Variants in ABCA5 observed in about 807,000 individuals in gnomAD.
ABCA5 encodes the protein cholesterol transporter ABCA5.
Under a neutral mutation model 206.0 loss-of-function variants are expected in ABCA5, and 163 were observed. The observed-to-expected ratio is 0.79, with a 90% CI of 0.70 to 0.90. ABCA5 has a LOEUF of 0.90. ABCA5 is among the 40% of genes least tolerant of loss of function. The pLI is 0.00. For missense variants in ABCA5, 1,859 were observed against 1,912.9 expected (o/e 0.97, Z 0.53); for synonymous variants, 609 against 613.8 (o/e 0.99, Z 0.11).
intron 3 of ABCA5, among the ~76,000 whole-genome samples, chr17:69,311,933 C>T (rs1041215683): frequency 6.6e-6 from 1 of 151,990 alleles, no homozygotes; most frequent in East Asian, 1.9e-4. Flanking sequence ...TGATACACTA[C>T]CATATAACAA....
intron 9 of ABCA5, 83 bp from the exon 10 acceptor site, chr17:69,297,442 G>A (rs941559912): frequency 4.7e-6 from 6 of 1,273,126 alleles, no homozygotes; most frequent in Non-Finnish European, 5.4e-6. Flanking sequence ...ATGACAACCT[G>A]CATCTAAAGT....
chr17:69,291,313 G>A lies in ABCA5; in HGVS notation c.1509C>T (p.Asp503=), dbSNP rs2075523974. The A allele has an allele frequency of 1.9e-6, 3 of 1,600,820 alleles. No homozygotes were observed. Among genetic ancestry groups the A allele is most frequent in the Non-Finnish European group, 2.6e-6 (3 of 1,169,954 alleles). ...NVEALRNLSF[D]IYEGQITALL... ...AGGCAGTAATCTGACCCTCATATAT[G>A]TCAAATGACAAATCTAGTTCAGGAA... The change falls in exon 12 of 39, where the codon GAC becomes GAT. Residue 503 remains aspartate (D), a synonymous_variant. Transcript: ENST00000392676.
At chr17:69,262,068 A>G (rs1482432220) in intron 24 of ABCA5, among the ~76,000 whole-genome samples, 1 of 152,110 alleles carries the variant, frequency 6.6e-6, no homozygotes, top group Non-Finnish European at 1.5e-5. Context: ...ATGATCTCTG[A>G]CAAAATCGGT....
intron 6 of ABCA5, among the ~76,000 whole-genome samples, chr17:69,306,317 A>T (rs910084269): frequency 6.6e-6 from 1 of 152,112 alleles, no homozygotes; most frequent in Non-Finnish European, 1.5e-5. Context: ...AATTTTTAAT[A>T]TTATATATAT....
intron 21 of ABCA5, 131 bp downstream of exon 21, chr17:69,271,031 G>T: frequency 9.0e-7 from 1 of 1,105,470 alleles, no homozygotes; most frequent in Non-Finnish European, 1.2e-6. Context: ...AATAAAGACA[G>T]CTAGTTATTT....
intron 7 of ABCA5, among the ~76,000 whole-genome samples, 154 bp from the exon 8 acceptor site, chr17:69,303,060 TCAAA>T (rs1598196179): frequency 1.3e-5 from 2 of 152,238 alleles, no homozygotes; most frequent in Non-Finnish European, 2.9e-5. Flanking sequence ...TATTTTATTT[TCAAA>T]CAAATAGTGA....
chr17:69,312,510 C>T (rs2075780020), intron 3 of ABCA5, among the ~76,000 whole-genome samples: 1 of 152,178 alleles, frequency 6.6e-6, no homozygotes. Context: ...CTTCTATAAA[C>T]AAGCATGGTA....
At chr17:69,294,571 G>T in intron 11 of ABCA5, 84 bp downstream of exon 11, 2 of 1,184,982 alleles carry the variant, frequency 1.7e-6, no homozygotes, top group Non-Finnish European at 2.4e-6. Flanking sequence ...TGGTAGAGAA[G>T]TTTAAATTTC....
At chr17:69,292,312 C>G (rs372413443) in intron 11 of ABCA5, among the ~76,000 whole-genome samples, 3 of 152,148 alleles carry the variant, frequency 2.0e-5, no homozygotes, top group African/African-American at 7.2e-5. Flanking sequence ...ATGTTTTGGA[C>G]TTATCAGGAT....
At chr17:69,315,240 A>C (rs900763935) in intron 1 of ABCA5, 1 of 152,276 alleles carries the variant, frequency 6.6e-6, no homozygotes, top group African/African-American at 2.4e-5. Flanking sequence ...CTGAACTAAC[A>C]GACAGACCAC....
At chr17:69,287,504 T>C in intron 15 of ABCA5, 109 bp downstream of exon 15, 1 of 1,370,836 alleles carries the variant, frequency 7.3e-7, no homozygotes, top group Admixed American at 2.5e-5. Context: ...GAAGGAAACA[T>C]ACCACTAGGT....
In ABCA5 at chr17:69,326,147, C is replaced by T. The variant is rs1281884273; in HGVS notation, c.-16+905G>A. On this transcript the variant is annotated intron_variant, in intron 1 of 38. Transcript: ENST00000392676. The surrounding 1 kb of genome is among the most constrained non-coding windows in gnomAD (Gnocchi z 4.8). ...AACTCCATCCTTTTACTAGCTGAGA[C>T]CTTAATAAGTTACTTAACCTCTTTG... 6.6e-6 allele frequency among the ~76,000 whole-genome samples: 1 copy of T among 152,152 alleles called. No individual in the cohort carries two copies. The highest frequency in any genetic ancestry group is 1.5e-5 in the Non-Finnish European group (1 of 68,020).
At position 69,255,816 on chromosome 17, in the gene ABCA5, T is replaced by G; in HGVS notation, c.3893A>C (p.Glu1298Ala). The G allele has an allele frequency of 6.3e-7, 1 of 1,587,412 alleles. No homozygotes were observed. The highest frequency in any genetic ancestry group is 8.6e-7 in the Non-Finnish European group (1 of 1,167,422). The change falls in exon 30 of 39, where the codon GAA becomes GCA. Residue 1298 changes from glutamate (E) to alanine (A), a missense_variant. Glu to Ala is a moderately radical substitution (Grantham distance 107). Transcript: ENST00000392676. ...PSIMVSNLHK[E>A]YDDKKDFLLS... ...AAGAAAATCTTTCTTGTCATCATATTCTTTATGCAAATTGCTGACCATAAT... is the reference window on the plus strand; with the variant it reads ...AAGAAAATCTTTCTTGTCATCATATGCTTTATGCAAATTGCTGACCATAAT...
intron 18 of ABCA5, 103 bp from the exon 19 acceptor site, chr17:69,277,945 G>A (rs1230288641): frequency 2.6e-6 from 2 of 755,984 alleles, no homozygotes; most frequent in South Asian, 2.4e-5. Flanking sequence ...GCAGTTATGT[G>A]GAACAAATGG....
At position 69,314,407 on chromosome 17, in the gene ABCA5, A is replaced by G. The variant is rs911926264; in HGVS notation, c.9T>C (p.Thr3=). Residue 3 remains threonine, a synonymous_variant, in exon 2 of 39, where the codon ACT becomes ACC. Transcript: ENST00000392676. ...TCCAAACTCCTACCTCCCTAATTGC[A>G]GTGGACATGTTTTCTGAATAAACCT... MS[T]AIREVGVWRQ... 2 of 1,609,142 alleles carry G rather than the reference A, an allele frequency of 1.2e-6. No homozygotes were observed. The highest frequency in any genetic ancestry group is 3.3e-5 in the Admixed American group (2 of 59,732).
At chr17:69,267,807 C>A in intron 23 of ABCA5, 136 bp downstream of exon 23, 1 of 436,100 alleles carries the variant, frequency 2.3e-6, no homozygotes, top group East Asian at 3.6e-5. Context: ...CAATAAGAAA[C>A]TATAATAAAT....
rs1462080171 is a variant in ABCA5, at chr17:69,298,346, GGAAA to G, written c.1268-991_1268-988del. On this transcript the variant is annotated intron_variant, in intron 9 of 38. Coordinates refer to ENST00000392676, the MANE Select transcript of ABCA5 (RefSeq NM_172232.4). ...AGGAAGGAAGGAAGGAAGGAAGGAAGGAAAGAAGGAAAGAAAGGGCATACAGTGG... is the reference window on the plus strand; with the variant it reads ...AGGAAGGAAGGAAGGAAGGAAGGAAGGAAGGAAAGAAAGGGCATACAGTGG... Among the ~76,000 whole-genome samples, 70 of 149,500 alleles carry G rather than the reference GGAAA, an allele frequency of 4.7e-4. 4 individuals carry two copies. The highest frequency in any genetic ancestry group is 9.9e-4 in the East Asian group (5 of 5,036).
chr17:69,303,325 C>T (rs556922929), intron 7 of ABCA5, among the ~76,000 whole-genome samples: 6 of 152,064 alleles, frequency 3.9e-5, no homozygotes, highest in African/African-American at 1.2e-4. Context: ...ACCATGTTGC[C>T]CAGGCTGGTC....
rs575132929 is a variant in ABCA5 at position 69,248,397 on chromosome 17, T to A, written c.4766-80A>T. The A allele has an allele frequency of 2.3e-5, 18 of 789,804 alleles. No homozygotes were observed. The East Asian group carries it at 4.5e-4, about 20-fold the overall frequency. 48.9% of individuals were successfully genotyped at this position (789,804 alleles called of 1,614,324 possible). A position where few individuals can be genotyped will look rare whatever the true frequency, so the allele number is the denominator to read the frequency against. ...TACCTACCAAAGTGGCTAACAATGT[T>A]TTAAAATATCTCTGTAATCAACCCA... On this transcript the variant is annotated intron_variant, in intron 37 of 38. Coordinates refer to ENST00000392676, the MANE Select transcript of ABCA5 (RefSeq NM_172232.4).
Sources: allele counts gnomAD v4.1 joint callset (sites outside exome capture counted in the v4.1 genomes callset), GRCh38; gene constraint gnomAD v4.1.1; non-coding constraint Gnocchi (gnomAD v3.1); transcripts MANE v1.5; gene names NCBI Gene and HGNC (gene_info 2026-07-23, HGNC 2026-07-21).